Variants in JPH1 observed in about 807,000 individuals in gnomAD.
JPH1 encodes junctophilin-1.
A neutral mutation model predicts 53.6 loss-of-function variants in JPH1; 12 were observed. The ratio of observed to expected loss-of-function variants is 0.22; its 90% CI spans 0.14 to 0.36. The LOEUF is 0.36. JPH1 is among the 10% of genes least tolerant of loss of function. JPH1 has a pLI of 1.00. For synonymous variants in JPH1, 375 were observed against 363.8 expected (o/e 1.03, Z -0.35); for missense variants, 808 against 905.5 (o/e 0.89, Z 1.38).
rs528820284 is a variant in JPH1 at position 74,277,587 on chromosome 8, C to T, written c.1140-18084G>A. ...AAGCATGGGTTCTGGAATCAGACTG[C>T]CTGGATGTGAATCAGCTCTCACCAC... On this transcript the variant is annotated intron_variant, in intron 2 of 5. Coordinates refer to ENST00000342232, the MANE Select transcript of JPH1 (RefSeq NM_020647.4). Among the ~76,000 whole-genome samples the T allele has an allele frequency of 5.2e-4, 79 of 152,250 alleles. No homozygotes were observed. The South Asian group carries it at 0.016, about 31-fold the overall frequency.
chr8:74,270,598 G>A (rs376832984), intron 2 of JPH1, among the ~76,000 whole-genome samples: 1 of 152,196 alleles, frequency 6.6e-6, no homozygotes, highest in South Asian at 2.1e-4. Flanking sequence ...TTTTGAAGAT[G>A]AATGCATGTA....
chr8:74,312,720 T>C (rs1326696730), intron 2 of JPH1, among the ~76,000 whole-genome samples: 1 of 152,228 alleles, frequency 6.6e-6, no homozygotes, highest in Non-Finnish European at 1.5e-5. Context: ...TTACTCTATG[T>C]TTCTATGAGT....
chr8:74,297,162 A>G (rs1160434304), intron 2 of JPH1, among the ~76,000 whole-genome samples: 4 of 152,244 alleles, frequency 2.6e-5, no homozygotes, highest in Non-Finnish European at 5.9e-5. Context: ...ACTGCCCAAC[A>G]GAGACTCTTG....
chr8:74,266,375 G>C (rs1176989050), intron 2 of JPH1, among the ~76,000 whole-genome samples: 1 of 151,946 alleles, frequency 6.6e-6, no homozygotes, highest in Non-Finnish European at 1.5e-5. Context: ...ATATTATTCA[G>C]ACTTAAAAAG....
chr8:74,287,562 A>G (rs949214600), intron 2 of JPH1, among the ~76,000 whole-genome samples: 3 of 152,180 alleles, frequency 2.0e-5, no homozygotes, highest in South Asian at 2.1e-4. Flanking sequence ...ATTTAGAAAC[A>G]GCCTAGATCT....
intron 3 of JPH1, among the ~76,000 whole-genome samples, chr8:74,254,416 G>A (rs1806157622): frequency 6.6e-6 from 1 of 152,042 alleles, no homozygotes; most frequent in African/African-American, 2.4e-5. Context: ...AGCTATGTAT[G>A]ACAAACCCAC....
At position 74,315,600 on chromosome 8, in the gene JPH1, C is replaced by A. The variant is rs764316891; in HGVS notation, c.400G>T (p.Ala134Ser). 4.4e-6 allele frequency: 7 copies of A among 1,601,824 alleles called. No homozygotes were observed. The highest frequency in any genetic ancestry group is 5.9e-6 in the Non-Finnish European group (7 of 1,177,682). ...GDGGTYQGQW[A>S]GGMRHGYGVR... ...CCGTAGCCATGCCGCATGCCTCCGG[C>A]CCACTGGCCCTGGTAGGTACCTTGG... is the stretch of plus-strand genomic sequence containing the variant. Residue 134 changes from alanine to serine, a missense_variant, in exon 2 of 6, where the codon GCC becomes TCC. Ala to Ser is a moderately conservative substitution (Grantham distance 99). Transcript: ENST00000342232. The surrounding 1 kb of genome is among the most constrained non-coding windows in gnomAD (Gnocchi z 6.3).
intron 2 of JPH1, among the ~76,000 whole-genome samples, chr8:74,272,847 G>A (rs1247540655): frequency 2.0e-5 from 3 of 151,754 alleles, no homozygotes; most frequent in African/African-American, 4.8e-5. Context: ...CTCGTGATCC[G>A]CCCGTCTCGG....
chr8:74,273,396 T>C lies in JPH1; in HGVS notation c.1140-13893A>G, dbSNP rs544903951. Among the ~76,000 whole-genome samples the C allele has an allele frequency of 1.2e-4, 19 of 152,328 alleles. No individual in the cohort carries two copies. In the East Asian group the frequency reaches 3.1e-3, roughly 25 times the overall value. ...ACTTAACTGAATTCTTCTTATCCTC[T>C]AATGTTTTTTGGTTGAGTCCCAGGA... On this transcript the variant is annotated intron_variant, in intron 2 of 5. Transcript: ENST00000342232.
intron 3 of JPH1, among the ~76,000 whole-genome samples, chr8:74,257,714 G>T (rs1806278449): frequency 6.6e-6 from 1 of 152,054 alleles, no homozygotes; most frequent in Non-Finnish European, 1.5e-5. Context: ...TGCAAAAAAT[G>T]GAAAGGTTCC....
At chr8:74,252,203 T>C (rs901904018) in intron 3 of JPH1, among the ~76,000 whole-genome samples, 1 of 152,106 alleles carries the variant, frequency 6.6e-6, no homozygotes, top group African/African-American at 2.4e-5. Flanking sequence ...ATGTTAGACC[T>C]AAAACCATAA....
At chr8:74,292,533 C>T (rs1382916514) in intron 2 of JPH1, among the ~76,000 whole-genome samples, 1 of 152,154 alleles carries the variant, frequency 6.6e-6, no homozygotes, top group African/African-American at 2.4e-5. Context: ...TACCCAGCTG[C>T]ATATGGGGGA....
At chr8:74,298,920 C>T (rs971066283) in intron 2 of JPH1, among the ~76,000 whole-genome samples, 5 of 152,168 alleles carry the variant, frequency 3.3e-5, no homozygotes, top group Admixed American at 6.5e-5. Context: ...GCAATGGGAG[C>T]CATTACGAAA....
At chr8:74,299,209 C>T (rs1203507446) in intron 2 of JPH1, among the ~76,000 whole-genome samples, 2 of 151,670 alleles carry the variant, frequency 1.3e-5, no homozygotes, top group Non-Finnish European at 3.0e-5. Flanking sequence ...CAGAGCAACT[C>T]TTCCTGGCAC....
intron 3 of JPH1, among the ~76,000 whole-genome samples, chr8:74,252,005 A>G (rs553386986): frequency 6.6e-6 from 1 of 152,314 alleles, no homozygotes; most frequent in Admixed American, 6.5e-5. Flanking sequence ...CAGAGCCCTC[A>G]GAAATAATGC....
intron 4 of JPH1, among the ~76,000 whole-genome samples, chr8:74,238,577 C>A (rs976373975): frequency 1.3e-5 from 2 of 152,286 alleles, no homozygotes; most frequent in South Asian, 2.1e-4. Context: ...TGCACAGACA[C>A]GTGACATTGC....
At chr8:74,304,069 TC>T (rs1468204260) in intron 2 of JPH1, among the ~76,000 whole-genome samples, 9 of 152,292 alleles carry the variant, frequency 5.9e-5, no homozygotes, top group Admixed American at 1.3e-4. Flanking sequence ...TGGTTCTCAC[TC>T]TGGATGCAGC....
intron 3 of JPH1, among the ~76,000 whole-genome samples, chr8:74,251,018 T>TGAGCTGAAGG (rs1563395836): frequency 6.6e-6 from 1 of 152,194 alleles, no homozygotes; most frequent in African/African-American, 2.4e-5. Flanking sequence ...ACAAGAAGCA[T>TGAGCTGAAGG]GAGCTGAATC....
intron 2 of JPH1, among the ~76,000 whole-genome samples, chr8:74,292,070 A>G (rs918068054): frequency 6.6e-6 from 1 of 152,176 alleles, no homozygotes; most frequent in African/African-American, 2.4e-5. Flanking sequence ...GATATACTTA[A>G]TGTAAATGAC....
Sources: gnomAD v4.1 joint callset for allele counts (sites outside exome capture counted in the v4.1 genomes callset) on GRCh38, gnomAD v4.1.1 for gene constraint, Gnocchi (gnomAD v3.1) non-coding constraint, MANE v1.5 for transcripts, NCBI Gene and HGNC (gene_info 2026-07-23, HGNC 2026-07-21) for gene names.